The following PCNX2 variants were observed in gnomAD, a reference collection of about 807,000 sequenced individuals.
PCNX2 encodes pecanex-like protein 2.
A neutral mutation model predicts 223.8 loss-of-function variants in PCNX2; 168 were observed. The observed-to-expected ratio is 0.75, with a 90% CI of 0.66 to 0.85. PCNX2 has a LOEUF of 0.85. PCNX2 is among the 40% of genes least tolerant of loss of function. The pLI, the probability that PCNX2 is intolerant of heterozygous loss-of-function variation, is 0.00. For synonymous variants in PCNX2, 1,006 were observed against 1,052.6 expected, an observed-to-expected ratio of 0.96 and a Z score of 0.86; for missense variants, 2,507 against 2,675.5, an observed-to-expected ratio of 0.94 and a Z score of 1.39.
At chr1:233,046,643 T>A (rs771455515) in intron 25 of PCNX2, among the ~76,000 whole-genome samples, 5 of 152,180 alleles carry the variant, frequency 3.3e-5, no homozygotes, top group Non-Finnish European at 5.9e-5. Context: ...ATATTCCTAC[T>A]GTGGCTGGCA....
chr1:233,101,245 G>A, intron 21 of PCNX2, among the ~76,000 whole-genome samples: 1 of 152,144 alleles, frequency 6.6e-6, no homozygotes, highest in East Asian at 1.9e-4. Flanking sequence ...TGTTCAAGAA[G>A]GAATAGAAAA....
chr1:233,130,372 G>C (rs1281715890), intron 21 of PCNX2, among the ~76,000 whole-genome samples: 2 of 152,042 alleles, frequency 1.3e-5, no homozygotes, highest in South Asian at 2.1e-4. Flanking sequence ...CCATTCACTA[G>C]GAAGTGTCTC....
At position 232,986,521 on chromosome 1, in the gene PCNX2, G is replaced by GCTCCTGCCTTTC; in HGVS notation, c.5799_5810dup (p.Arg1933_Arg1936dup). 6.5e-7 allele frequency: 1 copy of GCTCCTGCCTTTC among 1,534,370 alleles called. No homozygotes were observed. The highest frequency in any genetic ancestry group is 1.4e-5 in the African/African-American group (1 of 72,382). On this transcript the variant is annotated inframe_insertion, in exon 33 of 34. Coordinates refer to ENST00000258229, the MANE Select transcript of PCNX2 (RefSeq NM_014801.4). ...GCGCTGAGTGTGCCTGCACGGACTGGCTCCTGCCTTTCCTCCTGCCTTTAA... is the reference window on the plus strand; with the variant it reads ...GCGCTGAGTGTGCCTGCACGGACTGGCTCCTGCCTTTCCTCCTGCCTTTCCTCCTGCCTTTAA...
At chr1:233,154,509 T>C (rs897281736) in intron 19 of PCNX2, among the ~76,000 whole-genome samples, 1 of 152,222 alleles carries the variant, frequency 6.6e-6, no homozygotes, top group African/African-American at 2.4e-5. Context: ...TCAAGAGGCT[T>C]TGTATGCCCT....
Position 233,198,842 on chromosome 1 carries a change from T to C in PCNX2, c.3066+97A>G, listed in dbSNP as rs780627342. The C allele has an allele frequency of 1.3e-5, 16 of 1,214,736 alleles. No individual in the cohort carries two copies. In the Admixed American group the frequency reaches 2.6e-4, roughly 20 times the overall value. 75.2% of individuals were successfully genotyped at this position (1,214,736 alleles called of 1,614,324 possible). A position where few individuals can be genotyped will look rare whatever the true frequency, so the allele number is the denominator to read the frequency against. The stretch of plus-strand genomic sequence containing the variant: ...CACTCCCTGATTTGCACAGATCCGA[T>C]TTCTCTTGTAATTTTGGAAAAAACA... On this transcript the variant is annotated intron_variant, in intron 15 of 33. Transcript: ENST00000258229.
chr1:233,221,081 G>A (rs903713118), intron 10 of PCNX2, among the ~76,000 whole-genome samples: 1 of 152,208 alleles, frequency 6.6e-6, no homozygotes, highest in Non-Finnish European at 1.5e-5. Context: ...GGGTGATTTG[G>A]TTGACTGAAC....
At chr1:233,188,282 T>C (rs958584875) in intron 15 of PCNX2, among the ~76,000 whole-genome samples, 4 of 152,278 alleles carry the variant, frequency 2.6e-5, no homozygotes, top group African/African-American at 7.2e-5. Flanking sequence ...GCAGTCCCCA[T>C]TTCCTGGATG....
At chr1:233,164,855 T>G (rs1447437521) in intron 17 of PCNX2, among the ~76,000 whole-genome samples, 1 of 151,894 alleles carries the variant, frequency 6.6e-6, no homozygotes, top group Non-Finnish European at 1.5e-5. Flanking sequence ...CAGAGTGGAA[T>G]AGTGGTTTGT....
the PCNX2 span, among the ~76,000 whole-genome samples, chr1:233,312,402 C>T: frequency 6.6e-6 from 1 of 151,900 alleles, no homozygotes; most frequent in Non-Finnish European, 1.5e-5. Context: ...CCAGAAGATA[C>T]TAAAAGTCTT....
intron 21 of PCNX2, among the ~76,000 whole-genome samples, chr1:233,116,182 A>C (rs2102984472): frequency 6.6e-6 from 1 of 152,342 alleles, no homozygotes; most frequent in Admixed American, 6.5e-5. Flanking sequence ...TTATGATTGG[A>C]AACTTCAACA....
chr1:233,257,243 G>A (rs1253878225), intron 5 of PCNX2, among the ~76,000 whole-genome samples: 1 of 128,454 alleles, frequency 7.8e-6, no homozygotes, highest in Non-Finnish European at 1.8e-5. Context: ...CTCAGTTCCA[G>A]CACCTCCTGA....
In PCNX2 at chr1:232,990,542, T is replaced by C. The variant is rs765956699; in HGVS notation, c.5792-4002A>G. Among the ~76,000 whole-genome samples, 2 of 152,162 alleles carry C rather than the reference T, an allele frequency of 1.3e-5. No individual in the cohort carries two copies. The highest frequency in any genetic ancestry group is 2.9e-5 in the Non-Finnish European group (2 of 68,032). ...GCTGCAACTCTGAGACCCAAGGGCT[T>C]TGCACCCTCGCCCTCTAGGGAAGCT... On this transcript the variant is annotated intron_variant, in intron 32 of 33. Coordinates refer to ENST00000258229, the MANE Select transcript of PCNX2 (RefSeq NM_014801.4). This position sits in a 1 kb window ranked among gnomAD's most constrained non-coding sequence, Gnocchi z 4.3.
chr1:233,160,142 T>A, intron 19 of PCNX2, 141 bp downstream of exon 19: 1 of 875,368 alleles, frequency 1.1e-6, no homozygotes, highest in African/African-American at 1.7e-5. Flanking sequence ...TGTGGTAAAA[T>A]ACACATAATG....
chr1:233,121,468 T>C (rs1457355549), intron 21 of PCNX2, among the ~76,000 whole-genome samples: 1 of 152,170 alleles, frequency 6.6e-6, no homozygotes, highest in Non-Finnish European at 1.5e-5. Flanking sequence ...CAAGACAACA[T>C]GGTATTAGCA....
upstream of PCNX2, among the ~76,000 whole-genome samples, chr1:233,300,127 G>A (rs774431735): frequency 2.0e-5 from 3 of 152,326 alleles, no homozygotes; most frequent in Non-Finnish European, 4.4e-5. Context: ...AATCTGGTGG[G>A]ATTTGGAGTG....
At chr1:233,122,880 CA>C (rs1675885474) in intron 21 of PCNX2, among the ~76,000 whole-genome samples, 1 of 152,110 alleles carries the variant, frequency 6.6e-6, no homozygotes, top group African/African-American at 2.4e-5. Flanking sequence ...TCTTCCTCCC[CA>C]AAACACATAA....
At chr1:233,311,398 C>A in the PCNX2 span, among the ~76,000 whole-genome samples, 1 of 152,214 alleles carries the variant, frequency 6.6e-6, no homozygotes, top group Non-Finnish European at 1.5e-5. Context: ...GGAGGACCTA[C>A]CAACAACTAC....
chr1:233,291,780 T>C, intron 1 of PCNX2: 1 of 983,110 alleles, frequency 1.0e-6, no homozygotes, highest in Non-Finnish European at 1.2e-6. Flanking sequence ...ACAAAACACA[T>C]GTAATAAGTG....
chr1:233,016,830 A>G (rs1163872250), intron 27 of PCNX2, 91 bp downstream of exon 27: 2 of 1,512,876 alleles, frequency 1.3e-6, no homozygotes, highest in African/African-American at 2.8e-5. Flanking sequence ...TTAAAAGTCT[A>G]CCATAGAATA....
Sources: allele counts gnomAD v4.1 joint callset (sites outside exome capture counted in the v4.1 genomes callset), GRCh38; gene constraint gnomAD v4.1.1; non-coding constraint Gnocchi (gnomAD v3.1); transcripts MANE v1.5; gene names NCBI Gene and HGNC (gene_info 2026-07-23, HGNC 2026-07-21).